The following PROKR2 variants were observed in gnomAD, a reference collection of about 807,000 sequenced individuals.
The protein encoded by PROKR2 is G protein-coupled receptor 73-like 1.
A neutral mutation model predicts 23.4 loss-of-function variants in PROKR2; 26 were observed. The ratio of observed to expected loss-of-function variants is 1.11; its 90% CI spans 0.81 to 1.54. The LOEUF (loss-of-function observed/expected upper bound fraction) is 1.54, where lower values mean the gene tolerates loss of function less well. Among genes scored for constraint, PROKR2 ranks in the 40% most tolerant of loss-of-function variants. The pLI is 0.00. For synonymous variants in PROKR2, 212 were observed against 201.2 expected, an observed-to-expected ratio of 1.05 and a Z score of -0.45; for missense variants, 453 against 511.5, an observed-to-expected ratio of 0.89 and a Z score of 1.10.
At chr20:5,308,176 G>T (rs1304725071) in intron 2 of PROKR2, among the ~76,000 whole-genome samples, 2 of 126,112 alleles carry the variant, frequency 1.6e-5, no homozygotes, top group Non-Finnish European at 3.3e-5. Flanking sequence ...AAATAAGGGG[G>T]ACATGTTGGG....
Position 5,301,953 on chromosome 20 carries a change from A to G in PROKR2, c.*87T>C, listed in dbSNP as rs980503722. On this transcript the variant is annotated 3_prime_UTR_variant, in exon 3 of 3. Coordinates refer to ENST00000678254, the MANE Select transcript of PROKR2 (RefSeq NM_144773.4). ...CGGGGGAGGCATGAACACAGATGTC[A>G]TTTCCCATGCAGCCTATGAACTTGG... is the stretch of plus-strand genomic sequence containing the variant. The G allele has an allele frequency of 3.2e-6, 4 of 1,252,546 alleles. No individual in the cohort carries two copies. In the African/African-American group the frequency reaches 4.4e-5, roughly 14 times the overall value. 77.6% of individuals were successfully genotyped at this position (1,252,546 alleles called of 1,614,324 possible).
Position 5,305,730 on chromosome 20 carries a change from A to G in PROKR2, c.459-2994T>C, listed in dbSNP as rs201817707. ...GGTAGGTACAGGAGCGGATATTTCA[A>G]TCATTTCTCTACAGCACTGGCTGTC... is the stretch of plus-strand genomic sequence containing the variant. On this transcript the variant is annotated intron_variant, in intron 2 of 2. Coordinates refer to ENST00000678254, the MANE Select transcript of PROKR2 (RefSeq NM_144773.4). 3.3e-5 allele frequency among the ~76,000 whole-genome samples: 5 copies of G among 152,346 alleles called. No homozygotes were observed. The East Asian group carries it at 9.6e-4, about 29-fold the overall frequency.
Position 5,316,430 on chromosome 20 carries a change from T to C in PROKR2, c.-9+64A>G. 2.2e-6 allele frequency: 1 copy of C among 454,450 alleles called. No individual in the cohort carries two copies. Among genetic ancestry groups the C allele is most frequent in the Non-Finnish European group, 4.4e-6 (1 of 225,978 alleles). 28.2% of individuals were successfully genotyped at this position (454,450 alleles called of 1,614,324 possible). A position where few individuals can be genotyped will look rare whatever the true frequency, so the allele number is the denominator to read the frequency against. On this transcript the variant is annotated intron_variant, in intron 1 of 2. Coordinates refer to ENST00000678254, the MANE Select transcript of PROKR2 (RefSeq NM_144773.4). This position sits in a 1 kb window ranked among gnomAD's most constrained non-coding sequence, Gnocchi z 5.0. ...AGAAAAAAGTGGGCGTCAGAGGCCC[T>C]TGTCCTAGCGACTCCCCCACCGCAC...
At chr20:5,312,491 A>T (rs937348719) in intron 2 of PROKR2, among the ~76,000 whole-genome samples, 2 of 152,204 alleles carry the variant, frequency 1.3e-5, no homozygotes, top group Non-Finnish European at 2.9e-5. Flanking sequence ...TACACATTTC[A>T]TAAGGGATGG....
chr20:5,316,567 C>T lies in PROKR2; in HGVS notation c.-82G>A. 1 of 339,260 alleles carries T rather than the reference C, an allele frequency of 2.9e-6. No individual in the cohort carries two copies. The allele number at this position is 339,260 out of a possible 1,614,324, so 21.0% of individuals were successfully genotyped here. On this transcript the variant is annotated 5_prime_UTR_variant, in exon 1 of 3. Transcript: ENST00000678254. This position sits in a 1 kb window ranked among gnomAD's most constrained non-coding sequence, Gnocchi z 5.0. ...TCGAGAGTCACAGTGTGGTTGGGCGCAGGCGGGCCGCTCGGTTTTCACCTC... is the reference window on the plus strand; with the variant it reads ...TCGAGAGTCACAGTGTGGTTGGGCGTAGGCGGGCCGCTCGGTTTTCACCTC...
Position 5,300,204 on chromosome 20 carries a change from CAG to C in PROKR2, c.*1834_*1835del, listed in dbSNP as rs1337671430. ...AGTTACCACAAATGTATAATACAAA[CAG>C]ATTCAGAAGTGATATTTATGCAGCA... On this transcript the variant is annotated 3_prime_UTR_variant, in exon 3 of 3. Transcript: ENST00000678254. Among the ~76,000 whole-genome samples, 1 of 145,436 alleles carries C rather than the reference CAG, an allele frequency of 6.9e-6. No individual in the cohort carries two copies. Among genetic ancestry groups the C allele is most frequent in the Non-Finnish European group, 1.5e-5 (1 of 65,748 alleles).
At chr20:5,303,232 C>T (rs1979079031) in intron 2 of PROKR2, among the ~76,000 whole-genome samples, 1 of 152,184 alleles carries the variant, frequency 6.6e-6, no homozygotes, top group Admixed American at 6.5e-5. Context: ...GCTCTTCATT[C>T]CAAATAGCTC....
At position 5,302,570 on chromosome 20, in the gene PROKR2, C is replaced by T; in HGVS notation, c.625G>A (p.Gly209Ser). ...IVKSQEKIFC[G>S]QIWPVDQQLY... ...TGCTGATCCACAGGCCAGATCTGGC[C>T]ACAGAAGATCTTCTCCTGGCTCTTG... is the stretch of plus-strand genomic sequence containing the variant. The change falls in exon 3 of 3, where the codon GGC (glycine) becomes AGC (serine). Residue 209 changes from glycine (G) to serine (S), a missense_variant. Physicochemically the swap from Gly to Ser is moderately conservative, Grantham distance 56. Coordinates refer to ENST00000678254, the MANE Select transcript of PROKR2 (RefSeq NM_144773.4). 1.2e-6 allele frequency: 2 copies of T among 1,614,150 alleles called. No homozygotes were observed. Among genetic ancestry groups the T allele is most frequent in the Non-Finnish European group, 1.7e-6 (2 of 1,180,024 alleles).
chr20:5,315,662 CAA>C, intron 1 of PROKR2: 1 of 354,708 alleles, frequency 2.8e-6, no homozygotes, highest in Non-Finnish European at 5.6e-6. Flanking sequence ...TGCGCGCCAG[CAA>C]AAGACACCCT....
Position 5,316,665 on chromosome 20 carries a change from C to A in PROKR2, c.-180G>T, listed in dbSNP as rs1018300971. Among the ~76,000 whole-genome samples the A allele has an allele frequency of 6.6e-6, 1 of 152,248 alleles. No homozygotes were observed. The highest frequency in any genetic ancestry group is 1.5e-5 in the Non-Finnish European group (1 of 68,048). On this transcript the variant is annotated 5_prime_UTR_variant, in exon 1 of 3. Transcript: ENST00000678254. This position sits in a 1 kb window ranked among gnomAD's most constrained non-coding sequence, Gnocchi z 5.0. ...TCTTTTTTCCTCGCCCCGGCGGGCT[C>A]CTCCGGCGTGTCAGGGTCTCTGGGT...
intron 2 of PROKR2, among the ~76,000 whole-genome samples, chr20:5,309,580 TA>T (rs1279444120): frequency 6.6e-6 from 1 of 152,254 alleles, no homozygotes; most frequent in East Asian, 1.9e-4. Context: ...TTCTATATTT[TA>T]AGATCAGCTG....
rs1979704408 is a variant in PROKR2, at chr20:5,316,914, G to C, written c.-429C>G. Among the ~76,000 whole-genome samples, 2 of 152,268 alleles carry C rather than the reference G, an allele frequency of 1.3e-5. No homozygotes were observed. Among genetic ancestry groups the C allele is most frequent in the South Asian group, 4.1e-4 (2 of 4,834 alleles). On this transcript the variant is annotated 5_prime_UTR_variant, in exon 1 of 3. Coordinates refer to ENST00000678254, the MANE Select transcript of PROKR2 (RefSeq NM_144773.4). The surrounding 1 kb of genome is among the most constrained non-coding windows in gnomAD (Gnocchi z 5.0). Reference sequence around the variant, plus strand: ...CTGACGCGAGTCCCCGGCAGCGGGGGCAGCCTCTCGCACGGATTTCAGCGC... The same window carrying C: ...CTGACGCGAGTCCCCGGCAGCGGGGCCAGCCTCTCGCACGGATTTCAGCGC...
At chr20:5,311,869 T>G (rs6053294) in intron 2 of PROKR2, among the ~76,000 whole-genome samples, 77,142 of 152,096 alleles carry the variant, frequency 0.51, 19,837 homozygotes, top group African/African-American at 0.6. Flanking sequence ...GGCTCTCCTT[T>G]CTTCTCAGCC....
intron 2 of PROKR2, among the ~76,000 whole-genome samples, chr20:5,312,180 C>G (rs1227576749): frequency 1.3e-5 from 2 of 152,126 alleles, no homozygotes; most frequent in African/African-American, 4.8e-5. Context: ...AGTCTTGGCT[C>G]ACGGCAACCT....
At position 5,302,181 on chromosome 20, in the gene PROKR2, G is replaced by T. The variant is rs973089809; in HGVS notation, c.1014C>A (p.Asn338Lys). 6.2e-7 allele frequency: 1 copy of T among 1,614,228 alleles called. No homozygotes were observed. Among genetic ancestry groups the T allele is most frequent in the African/African-American group, 1.3e-5 (1 of 75,054 alleles). ...TCTTCTTGAAGTACTTCATGGTGTT[G>T]TTCTTGACCGTCACGAAGCACACGG... is the stretch of plus-strand genomic sequence containing the variant. Reference protein sequence around the residue: ...INTVCFVTVKNNTMKYFKKMM... With the variant: ...INTVCFVTVKKNTMKYFKKMM... The change falls in exon 3 of 3, where the codon AAC (asparagine) becomes AAA (lysine). Residue 338 changes from asparagine (N) to lysine (K), a missense_variant. Asn to Lys is a moderately conservative substitution (Grantham distance 94, BLOSUM62 0). Coordinates refer to ENST00000678254, the MANE Select transcript of PROKR2 (RefSeq NM_144773.4).
Position 5,314,301 on chromosome 20 carries a change from G to C in PROKR2, c.69C>G (p.Ser23=), listed in dbSNP as rs772712354. 11 of 1,614,062 alleles carry C rather than the reference G, an allele frequency of 6.8e-6. No individual in the cohort carries two copies. Among genetic ancestry groups the C allele is most frequent in the Non-Finnish European group, 8.5e-6 (10 of 1,180,044 alleles). ...NFNPPQDHAS[S]LSFNFSYGDY... ...CACCATAACTGAAGTTAAAGGAGAGGGAGGAGGCATGGTCTTGGGGTGGAT... is the reference window on the plus strand; with the variant it reads ...CACCATAACTGAAGTTAAAGGAGAGCGAGGAGGCATGGTCTTGGGGTGGAT... Residue 23 remains serine, a synonymous_variant, in exon 2 of 3, where the codon TCC becomes TCG. Transcript: ENST00000678254.
chr20:5,300,392 T>G lies in PROKR2; in HGVS notation c.*1648A>C, dbSNP rs1978941150. Among the ~76,000 whole-genome samples, 1 of 152,200 alleles carries G rather than the reference T, an allele frequency of 6.6e-6. No individual in the cohort carries two copies. The highest frequency in any genetic ancestry group is 1.5e-5 in the Non-Finnish European group (1 of 68,030). ...GGCCCACTGTAGACAAGGTACACTG[T>G]GAAGTCTTCAGGAGTCTTTCATCCA... On this transcript the variant is annotated 3_prime_UTR_variant, in exon 3 of 3. Coordinates refer to ENST00000678254, the MANE Select transcript of PROKR2 (RefSeq NM_144773.4).
intron 2 of PROKR2, among the ~76,000 whole-genome samples, chr20:5,306,121 A>G (rs187350835): frequency 1.3e-5 from 2 of 152,360 alleles, no homozygotes; most frequent in East Asian, 3.9e-4. Flanking sequence ...TCCAGAACCT[A>G]TACCTTTAAA....
rs781095979 is a variant in PROKR2 at position 5,316,950 on chromosome 20, C to G, written c.-465G>C. ...CACGGATTTCAGCGCCTTCGCATCC[C>G]GTCTGAATCGGACCACACAGTAGCC... On this transcript the variant is annotated 5_prime_UTR_variant, in exon 1 of 3. Transcript: ENST00000678254. This position sits in a 1 kb window ranked among gnomAD's most constrained non-coding sequence, Gnocchi z 5.0. Among the ~76,000 whole-genome samples, 1 of 152,260 alleles carries G rather than the reference C, an allele frequency of 6.6e-6. No individual in the cohort carries two copies. The highest frequency in any genetic ancestry group is 6.5e-5 in the Admixed American group (1 of 15,290).
Sources: gnomAD v4.1 joint callset for allele counts (sites outside exome capture counted in the v4.1 genomes callset) on GRCh38, gnomAD v4.1.1 for gene constraint, Gnocchi (gnomAD v3.1) non-coding constraint, MANE v1.5 for transcripts, NCBI Gene and HGNC (gene_info 2026-07-23, HGNC 2026-07-21) for gene names.